The following ERC2 variants were observed in gnomAD, a reference collection of about 807,000 sequenced individuals.
ERC2 encodes ERC protein 2.
A neutral mutation model predicts 114.8 loss-of-function variants in ERC2; 42 were observed. The ratio of observed to expected loss-of-function variants is 0.37; its 90% CI spans 0.29 to 0.47. The LOEUF (loss-of-function observed/expected upper bound fraction) is 0.47, where lower values mean the gene tolerates loss of function less well. Among genes scored for constraint, ERC2 ranks in the 20% least tolerant of loss-of-function variants. ERC2 has a pLI of 0.99. For missense variants in ERC2, 939 were observed against 1,150.7 expected, an observed-to-expected ratio of 0.82 and a Z score of 2.66; for synonymous variants, 454 against 425.5, an observed-to-expected ratio of 1.07 and a Z score of -0.82.
At chr3:55,672,949 T>A (rs1385647838) in intron 17 of ERC2, among the ~76,000 whole-genome samples, 2 of 152,110 alleles carry the variant, frequency 1.3e-5, no homozygotes, top group Non-Finnish European at 1.5e-5. Context: ...TCATAATTTT[T>A]AAAAATAATA....
intron 14 of ERC2, among the ~76,000 whole-genome samples, chr3:55,800,375 C>T (rs986679005): frequency 5.3e-5 from 8 of 152,052 alleles, no homozygotes; most frequent in Non-Finnish European, 1.0e-4. Context: ...AACTCCTGAC[C>T]TCATGATCCA....
intron 3 of ERC2, among the ~76,000 whole-genome samples, chr3:56,288,163 C>A (rs968111569): frequency 6.6e-6 from 1 of 152,194 alleles, no homozygotes; most frequent in Admixed American, 6.5e-5. Flanking sequence ...CCCATTGCTG[C>A]AGCTTATGAA....
intron 14 of ERC2, among the ~76,000 whole-genome samples, chr3:55,749,446 T>C (rs1286042578): frequency 6.6e-6 from 1 of 152,188 alleles, no homozygotes. Flanking sequence ...CCAGCTGGAC[T>C]TCCTGGGTTG....
intron 13 of ERC2, among the ~76,000 whole-genome samples, chr3:55,910,694 C>T (rs577044231): frequency 6.6e-6 from 1 of 152,330 alleles, no homozygotes; most frequent in Non-Finnish European, 1.5e-5. Flanking sequence ...TTATTTCTCA[C>T]AGCACCCTGT....
intron 3 of ERC2, among the ~76,000 whole-genome samples, chr3:56,216,604 A>T (rs1276680201): frequency 6.6e-6 from 1 of 152,208 alleles, no homozygotes; most frequent in African/African-American, 2.4e-5. Flanking sequence ...AACTATTCCC[A>T]TCAATAGAAA....
intron 2 of ERC2, among the ~76,000 whole-genome samples, chr3:56,433,169 C>T (rs541118864): frequency 1.2e-3 from 153 of 123,590 alleles, no homozygotes; most frequent in African/African-American, 4.8e-3. Flanking sequence ...ACAGCAAGAC[C>T]CTGTCTCTTA....
intron 3 of ERC2, among the ~76,000 whole-genome samples, chr3:56,201,575 C>A (rs7628015): frequency 0.46 from 69,184 of 152,028 alleles, 16,231 homozygotes; most frequent in East Asian, 0.71. Flanking sequence ...GCAAAGAATT[C>A]ATTCCCAACA....
At chr3:56,393,089 T>G (rs190807252) in intron 2 of ERC2, among the ~76,000 whole-genome samples, 179 of 152,304 alleles carry the variant, frequency 1.2e-3, no homozygotes, top group Non-Finnish European at 1.3e-4. Flanking sequence ...CAGTCATCCT[T>G]TATATCACAG....
chr3:56,052,470 T>C lies in ERC2; in HGVS notation c.1641+28347A>G, dbSNP rs922867547. 2.4e-4 allele frequency among the ~76,000 whole-genome samples: 37 copies of C among 152,222 alleles called. 1 individual carries two copies. The highest frequency in any genetic ancestry group is 5.9e-5 in the Non-Finnish European group (4 of 68,036). On this transcript the variant is annotated intron_variant, in intron 7 of 17. Coordinates refer to ENST00000288221, the MANE Select transcript of ERC2 (RefSeq NM_015576.3). ...ATTGAAACCCAGCCAATATCTATACTTGCTGTAGTACTACAAATGGCAGAA... is the reference window on the plus strand; with the variant it reads ...ATTGAAACCCAGCCAATATCTATACCTGCTGTAGTACTACAAATGGCAGAA...
chr3:55,836,887 T>C (rs1281452572), intron 14 of ERC2, among the ~76,000 whole-genome samples: 1 of 151,946 alleles, frequency 6.6e-6, no homozygotes, highest in Non-Finnish European at 1.5e-5. Flanking sequence ...GAATCTACAA[T>C]GAACTCAAAC....
intron 14 of ERC2, among the ~76,000 whole-genome samples, chr3:55,879,099 A>ATTTTTTT (rs3047064): frequency 0.45 from 56,859 of 127,636 alleles, 15,523 homozygotes; most frequent in East Asian, 0.61. Context: ...CTTTTTCTTA[A>ATTTTTTT]TTTTTTTTTT....
chr3:56,119,100 T>G (rs1226176937), intron 6 of ERC2, among the ~76,000 whole-genome samples: 2 of 152,236 alleles, frequency 1.3e-5, no homozygotes, highest in African/African-American at 4.8e-5. Context: ...GGCATGGATA[T>G]GTTCCAATAA....
chr3:56,079,243 T>C (rs1251215072), intron 7 of ERC2, among the ~76,000 whole-genome samples: 2 of 152,192 alleles, frequency 1.3e-5, no homozygotes, highest in African/African-American at 2.4e-5. Context: ...AAAAATTGAT[T>C]CACGAAAGCG....
intron 17 of ERC2, among the ~76,000 whole-genome samples, chr3:55,652,402 A>G (rs2060664507): frequency 6.6e-6 from 1 of 152,146 alleles, no homozygotes; most frequent in South Asian, 2.1e-4. Context: ...AGCACCTATA[A>G]AGGTGGACAT....
At chr3:55,896,375 C>T (rs762718851) in intron 13 of ERC2, among the ~76,000 whole-genome samples, 2 of 152,178 alleles carry the variant, frequency 1.3e-5, no homozygotes, top group Non-Finnish European at 2.9e-5. Flanking sequence ...CAGGTGGTGG[C>T]CCAGCTGGAA....
chr3:55,947,598 T>C (rs2067211473), intron 13 of ERC2, among the ~76,000 whole-genome samples: 1 of 133,692 alleles, frequency 7.5e-6, no homozygotes, highest in South Asian at 2.1e-4. Flanking sequence ...TAGTTTTCCC[T>C]GGGTTGCTGA....
chr3:56,331,428 C>A (rs950409699), intron 2 of ERC2, among the ~76,000 whole-genome samples: 3 of 152,150 alleles, frequency 2.0e-5, no homozygotes, highest in Non-Finnish European at 4.4e-5. Flanking sequence ...TCTCTCTCCC[C>A]CATTACAATA....
chr3:56,247,242 C>A (rs2051774168), intron 3 of ERC2, among the ~76,000 whole-genome samples: 1 of 152,182 alleles, frequency 6.6e-6, no homozygotes, highest in African/African-American at 2.4e-5. Context: ...GGGATCCCAA[C>A]TCTTATGCAA....
chr3:55,610,506 A>ACACACACACAC (rs2058858984), intron 17 of ERC2: 1 of 137,238 alleles, frequency 7.3e-6, no homozygotes, highest in Non-Finnish European at 1.5e-5. Flanking sequence ...TCTACGGAAA[A>ACACACACACAC]ACACACACAC....
Sources: gnomAD v4.1 joint callset for allele counts (sites outside exome capture counted in the v4.1 genomes callset) on GRCh38, gnomAD v4.1.1 for gene constraint, MANE v1.5 for transcripts, NCBI Gene and HGNC (gene_info 2026-07-23, HGNC 2026-07-21) for gene names.